Variants in CXCL14 observed in about 807,000 individuals in gnomAD.
CXCL14 encodes the protein C-X-C motif chemokine ligand 14.
A neutral mutation model predicts 16.1 loss-of-function variants in CXCL14; 9 were observed. The ratio of observed to expected loss-of-function variants is 0.56; its 90% CI spans 0.34 to 0.97. The LOEUF is 0.97. Among genes scored for constraint, CXCL14 ranks in the 50% least tolerant of loss-of-function variants. The pLI, the probability that CXCL14 is intolerant of heterozygous loss-of-function variation, is 0.02. For missense variants in CXCL14, 111 were observed against 132.5 expected, an observed-to-expected ratio of 0.84 and a Z score of 0.80; for synonymous variants, 55 against 52.8, an observed-to-expected ratio of 1.04 and a Z score of -0.18.
At chr5:135,575,873 A>C (rs1386056648) in intron 2 of CXCL14, among the ~76,000 whole-genome samples, 6 of 152,084 alleles carry the variant, frequency 3.9e-5, no homozygotes, top group Admixed American at 3.9e-4. Flanking sequence ...AAAGGGGGAG[A>C]CTGGAAGTGA....
Position 135,575,084 on chromosome 5 carries a change from C to T in CXCL14, c.171-399G>A, listed in dbSNP as rs577898420. 3.4e-4 allele frequency among the ~76,000 whole-genome samples: 52 copies of T among 152,160 alleles called. 1 individual carries two copies. The highest frequency in any genetic ancestry group is 6.6e-4 in the Non-Finnish European group (45 of 68,026). On this transcript the variant is annotated intron_variant, in intron 2 of 3. Coordinates refer to ENST00000512158, the MANE Select transcript of CXCL14 (RefSeq NM_004887.5). ...ATCAGGAGGTGGAGAAAGCTAATGC[C>T]AGCAAGGTGCACATGCCAAAACCTC...
intron 3 of CXCL14, 28 bp from the exon 4 acceptor site, chr5:135,571,896 G>A: frequency 6.2e-7 from 1 of 1,612,590 alleles, no homozygotes; most frequent in Non-Finnish European, 8.5e-7. Context: ...ATGTGTAAGT[G>A]GCTCAGGACA....
rs372169387 is a variant in CXCL14, at chr5:135,574,691, A to G, written c.171-6T>C. 2.2e-5 allele frequency: 35 copies of G among 1,610,756 alleles called. No homozygotes were observed. The highest frequency in any genetic ancestry group is 2.7e-5 in the Non-Finnish European group (32 of 1,177,374). ...ACACGCTCTTGGTGGTGATGCTGAA[A>G]CGGAGCAGGATGAGGTGGAGGGTTG... On this transcript the variant is annotated splice_region_variant and splice_polypyrimidine_tract_variant and intron_variant, in intron 2 of 3. Coordinates refer to ENST00000512158, the MANE Select transcript of CXCL14 (RefSeq NM_004887.5).
chr5:135,577,318 C>T (rs1266017246), intron 2 of CXCL14, among the ~76,000 whole-genome samples: 1 of 152,162 alleles, frequency 6.6e-6, no homozygotes, highest in Non-Finnish European at 1.5e-5. Flanking sequence ...TTGGCCCCCA[C>T]CCAAAAGGAT....
intron 3 of CXCL14, 96 bp downstream of exon 3, chr5:135,574,476 A>G: frequency 1.1e-6 from 1 of 871,216 alleles, no homozygotes; most frequent in Non-Finnish European, 1.9e-6. Flanking sequence ...TTCACATATT[A>G]GATGGGGCTA....
intron 2 of CXCL14, 112 bp downstream of exon 2, chr5:135,578,322 C>T: frequency 1.1e-6 from 1 of 883,326 alleles, no homozygotes; most frequent in Non-Finnish European, 1.8e-6. Flanking sequence ...TTTTCCAGGG[C>T]CTTGACAAAG....
chr5:135,575,789 A>G (rs1006064351), intron 2 of CXCL14, among the ~76,000 whole-genome samples: 6 of 152,120 alleles, frequency 3.9e-5, no homozygotes, highest in African/African-American at 1.4e-4. Context: ...AGAGGTGAGG[A>G]TGCCACTTCT....
At chr5:135,577,482 G>A (rs537582150) in intron 2 of CXCL14, among the ~76,000 whole-genome samples, 3 of 152,344 alleles carry the variant, frequency 2.0e-5, no homozygotes, top group African/African-American at 7.2e-5. Flanking sequence ...GCCCCTAGAC[G>A]GGGATGGGGG....
In CXCL14 at chr5:135,578,836, G is replaced by C; in HGVS notation, c.-58C>G. The C allele has an allele frequency of 1.4e-6, 2 of 1,478,174 alleles. No homozygotes were observed. Among genetic ancestry groups the C allele is most frequent in the South Asian group, 1.3e-5 (1 of 75,184 alleles). 91.6% of individuals were successfully genotyped at this position (1,478,174 alleles called of 1,614,324 possible). A position where few individuals can be genotyped will look rare whatever the true frequency, so the allele number is the denominator to read the frequency against. On this transcript the variant is annotated 5_prime_UTR_variant, in exon 1 of 4. Coordinates refer to ENST00000512158, the MANE Select transcript of CXCL14 (RefSeq NM_004887.5). ...ACATGGGGAGGGCGCTGGCCCGTCG[G>C]AGCGGCGGCCCGGAGACGCCACCCA...
intron 2 of CXCL14, among the ~76,000 whole-genome samples, chr5:135,577,538 C>T (rs181066805): frequency 1.3e-5 from 2 of 152,280 alleles, no homozygotes; most frequent in South Asian, 2.1e-4. Flanking sequence ...CTGTGAAGGC[C>T]TTTGCGCCGG....
rs1751161345 is a variant in CXCL14 at position 135,578,709 on chromosome 5, A to C, written c.64+6T>G. On this transcript the variant is annotated splice_donor_region_variant and intron_variant, in intron 1 of 3. Transcript: ENST00000512158. ...GACGGCGACAAGGGGAGCTCCCCGC[A>C]CTCACCGTCCACACGCGCGGTGTAC... 2 of 1,551,432 alleles carry C rather than the reference A, an allele frequency of 1.3e-6. No individual in the cohort carries two copies. The highest frequency in any genetic ancestry group is 1.7e-6 in the Non-Finnish European group (2 of 1,147,390).
chr5:135,574,710 AG>A, intron 2 of CXCL14, 25 bp from the exon 3 acceptor site: 1 of 1,569,874 alleles, frequency 6.4e-7, no homozygotes, highest in Non-Finnish European at 8.8e-7. Context: ...GATGAGGTGG[AG>A]GGTTGAGGAG....
intron 2 of CXCL14, 39 bp from the exon 3 acceptor site, chr5:135,574,724 T>C: frequency 6.6e-7 from 1 of 1,517,046 alleles, no homozygotes; most frequent in Non-Finnish European, 9.1e-7. Flanking sequence ...TTGAGGAGCC[T>C]GAATAACATG....
intron 3 of CXCL14, among the ~76,000 whole-genome samples, chr5:135,573,769 T>C (rs1751057919): frequency 6.6e-6 from 1 of 151,632 alleles, no homozygotes; most frequent in African/African-American, 2.4e-5. Context: ...TGCAGGCAAA[T>C]GTGTAAACAG....
At chr5:135,578,597 A>C (rs1239989826) in intron 1 of CXCL14, 58 bp from the exon 2 acceptor site, 2 of 1,597,926 alleles carry the variant, frequency 1.3e-6, no homozygotes, top group Non-Finnish European at 1.7e-6. Context: ...CCCCTCGACC[A>C]CCTTGGTGCC....
Position 135,571,712 on chromosome 5 carries a change from T to G in CXCL14, c.*141A>C. The G allele has an allele frequency of 2.4e-6, 2 of 841,930 alleles. No homozygotes were observed. Among genetic ancestry groups the G allele is most frequent in the Non-Finnish European group, 3.5e-6 (2 of 569,396 alleles). The allele number at this position is 841,930 out of a possible 1,614,324, so 52.2% of individuals were successfully genotyped here. ...AAAAGTGCTTCATAACAATATATAA[T>G]TTGTGTCTTATGCCTGTGAGAAAGA... is the stretch of plus-strand genomic sequence containing the variant. On this transcript the variant is annotated 3_prime_UTR_variant, in exon 4 of 4. Transcript: ENST00000512158.
intron 2 of CXCL14, among the ~76,000 whole-genome samples, chr5:135,577,081 C>G (rs1278650346): frequency 6.6e-6 from 1 of 152,166 alleles, no homozygotes; most frequent in Non-Finnish European, 1.5e-5. Flanking sequence ...AAAAGTTTAG[C>G]CAGGAAAAGA....
chr5:135,573,898 G>T (rs1356441059), intron 3 of CXCL14, among the ~76,000 whole-genome samples: 2 of 152,162 alleles, frequency 1.3e-5, no homozygotes, highest in Admixed American at 1.3e-4. Context: ...GAGATGGGAA[G>T]CCACCTTCTG....
chr5:135,576,060 T>C (rs1256155724), intron 2 of CXCL14, among the ~76,000 whole-genome samples: 5 of 152,228 alleles, frequency 3.3e-5, no homozygotes, highest in Admixed American at 2.0e-4. Context: ...GGGGGCATAA[T>C]GTTCCTAGGC....
Sources: allele counts gnomAD v4.1 joint callset (sites outside exome capture counted in the v4.1 genomes callset), GRCh38; gene constraint gnomAD v4.1.1; transcripts MANE v1.5; gene names NCBI Gene and HGNC (gene_info 2026-07-23, HGNC 2026-07-21).